SLCO6A1: variants seen among roughly 807,000 people sequenced by gnomAD.
SLCO6A1 encodes cancer/testis antigen 48.
Under a neutral mutation model 72.7 loss-of-function variants are expected in SLCO6A1, and 65 were observed. The ratio of observed to expected loss-of-function variants is 0.89; its 90% CI spans 0.73 to 1.10. SLCO6A1 has a LOEUF of 1.10. SLCO6A1 is among the 50% of genes least tolerant of loss of function. SLCO6A1 has a pLI of 0.00. For synonymous variants in SLCO6A1, 314 were observed against 298.2 expected (o/e 1.05, Z -0.55); for missense variants, 874 against 872.6 (o/e 1.00, Z -0.02).
intron 1 of SLCO6A1, among the ~76,000 whole-genome samples, chr5:102,483,569 C>T (rs1450598494): frequency 6.6e-6 from 1 of 152,128 alleles, no homozygotes; most frequent in East Asian, 1.9e-4. Context: ...AGAATATTTT[C>T]TCATAGGATA....
intron 6 of SLCO6A1, among the ~76,000 whole-genome samples, chr5:102,446,648 G>A (rs1025116647): frequency 2.0e-5 from 3 of 152,026 alleles, no homozygotes; most frequent in African/African-American, 7.3e-5. Flanking sequence ...TTTTCAAAGG[G>A]GAATATTTCC....
At chr5:102,483,599 T>C (rs1752314238) in intron 1 of SLCO6A1, among the ~76,000 whole-genome samples, 1 of 152,196 alleles carries the variant, frequency 6.6e-6, no homozygotes, top group Admixed American at 6.5e-5. Flanking sequence ...TTAATCATTC[T>C]GGGAAGGCTG....
chr5:102,426,500 C>A (rs1720781866), intron 7 of SLCO6A1, among the ~76,000 whole-genome samples: 1 of 152,000 alleles, frequency 6.6e-6, no homozygotes, highest in South Asian at 2.1e-4. Context: ...TTTATGTGGT[C>A]AACAAAGACA....
intron 12 of SLCO6A1, among the ~76,000 whole-genome samples, chr5:102,386,666 G>C (rs1423130458): frequency 6.6e-6 from 1 of 152,118 alleles, no homozygotes; most frequent in African/African-American, 2.4e-5. Context: ...AAGGTTTTTG[G>C]GTTCCAGTCT....
At chr5:102,374,038 C>CTTT (rs11352231) in intron 12 of SLCO6A1, among the ~76,000 whole-genome samples, 3 of 144,674 alleles carry the variant, frequency 2.1e-5, no homozygotes, top group East Asian at 2.0e-4. Context: ...TAAATTAATT[C>CTTT]TTTTTTTTTT....
At chr5:102,432,087 G>T (rs113403517) in intron 7 of SLCO6A1, among the ~76,000 whole-genome samples, 9 of 151,956 alleles carry the variant, frequency 5.9e-5, no homozygotes, top group African/African-American at 1.9e-4. Context: ...GTTTCCATTC[G>T]CTTGGTAGAT....
chr5:102,449,940 T>A (rs1034068944), intron 6 of SLCO6A1, among the ~76,000 whole-genome samples: 1 of 152,240 alleles, frequency 6.6e-6, no homozygotes, highest in African/African-American at 2.4e-5. Flanking sequence ...ATACTCCCAA[T>A]TATGTCATGA....
At position 102,458,416 on chromosome 5, in the gene SLCO6A1, C is replaced by T; in HGVS notation, c.1097G>A (p.Gly366Glu). The change falls in exon 6 of 14, where the codon GGA (glycine) becomes GAA (glutamate). Residue 366 changes from glycine (G) to glutamate (E), a missense_variant. By Grantham distance (98) the Gly-to-Glu change is moderately conservative (BLOSUM62 -2). Coordinates refer to ENST00000506729, the MANE Select transcript of SLCO6A1 (RefSeq NM_173488.5). ...FDSRLKDLKLGTNIKDLCAAL... is the reference protein window; with the variant it reads ...FDSRLKDLKLETNIKDLCAAL... ...AGCACATAAATCCTTGATATTAGTT[C>T]CAAGTTTCAGATCTTTAAGTCTGCT... The T allele has an allele frequency of 6.2e-7, 1 of 1,612,630 alleles. No homozygotes were observed. The highest frequency in any genetic ancestry group is 8.5e-7 in the Non-Finnish European group (1 of 1,179,272).
At chr5:102,433,743 C>T (rs1749347957) in intron 7 of SLCO6A1, among the ~76,000 whole-genome samples, 1 of 152,112 alleles carries the variant, frequency 6.6e-6, no homozygotes, top group South Asian at 2.1e-4. Flanking sequence ...TTGCACATAC[C>T]AGCAACAGCA....
chr5:102,485,495 G>T (rs988703747), intron 1 of SLCO6A1, among the ~76,000 whole-genome samples: 1 of 152,074 alleles, frequency 6.6e-6, no homozygotes, highest in Non-Finnish European at 1.5e-5. Context: ...GGGTGTGGGT[G>T]TGGAGTCTGA....
intron 8 of SLCO6A1, among the ~76,000 whole-genome samples, chr5:102,415,622 A>G (rs764820545): frequency 1.1e-4 from 17 of 152,176 alleles, no homozygotes; most frequent in Non-Finnish European, 2.1e-4. Context: ...AAAACATAGG[A>G]AAAATTCTTT....
intron 6 of SLCO6A1, among the ~76,000 whole-genome samples, chr5:102,453,907 T>A (rs1435385232): frequency 6.6e-6 from 1 of 152,164 alleles, no homozygotes; most frequent in Non-Finnish European, 1.5e-5. Context: ...TACTTTGACT[T>A]TCACTTTCTG....
At position 102,379,653 on chromosome 5, in the gene SLCO6A1, G is replaced by T. The variant is rs150976614; in HGVS notation, c.2018-6159C>A. Among the ~76,000 whole-genome samples, 3 of 151,208 alleles carry T rather than the reference G, an allele frequency of 2.0e-5. No individual in the cohort carries two copies. The East Asian group carries it at 5.8e-4, about 29-fold the overall frequency. On this transcript the variant is annotated intron_variant, in intron 12 of 13. Transcript: ENST00000506729. The stretch of plus-strand genomic sequence containing the variant: ...ATACCACATTGTATTAATTATTATA[G>T]CTCTATAATAGGTTTTTATATGTTA...
At chr5:102,465,906 C>T (rs114467905) in intron 4 of SLCO6A1, among the ~76,000 whole-genome samples, 3,986 of 152,122 alleles carry the variant, frequency 0.026, 127 homozygotes, top group African/African-American at 0.079. Context: ...TCAAGTAAAT[C>T]CCCTGGATTT....
intron 7 of SLCO6A1, among the ~76,000 whole-genome samples, chr5:102,421,070 G>C (rs1357210936): frequency 6.6e-6 from 1 of 152,122 alleles, no homozygotes; most frequent in Non-Finnish European, 1.5e-5. Flanking sequence ...TGCCATGAGG[G>C]ACGGTGCTAT....
chr5:102,423,860 C>A (rs1748743327), intron 7 of SLCO6A1, among the ~76,000 whole-genome samples: 1 of 152,048 alleles, frequency 6.6e-6, no homozygotes, highest in African/African-American at 2.4e-5. Flanking sequence ...TAAAATTGAC[C>A]ACATAACTAG....
At chr5:102,477,591 T>C (rs1751968686) in intron 3 of SLCO6A1, 85 bp downstream of exon 3, 1 of 1,087,676 alleles carries the variant, frequency 9.2e-7, no homozygotes, top group Non-Finnish European at 1.3e-6. Flanking sequence ...GGGCCAATAG[T>C]ACTTCTATAT....
rs569744476 is a variant in SLCO6A1, at chr5:102,489,327, A to T, written c.359-8893T>A. On this transcript the variant is annotated intron_variant, in intron 1 of 13. Transcript: ENST00000506729. The stretch of plus-strand genomic sequence containing the variant: ...CCCTCAGTGGAAAACTCTAAAACAG[A>T]ATCATATGGAAAAGGGGGATTTCCA... Among the ~76,000 whole-genome samples the T allele has an allele frequency of 2.6e-5, 4 of 152,296 alleles. No individual in the cohort carries two copies. The South Asian group carries it at 8.3e-4, about 32-fold the overall frequency.
intron 6 of SLCO6A1, among the ~76,000 whole-genome samples, chr5:102,453,507 C>A (rs1750543865): frequency 1.3e-5 from 2 of 152,098 alleles, no homozygotes; most frequent in South Asian, 2.1e-4. Flanking sequence ...ACATTTTCTT[C>A]TTTCTTTGCA....
Sources: gnomAD v4.1 joint callset for allele counts (sites outside exome capture counted in the v4.1 genomes callset) on GRCh38, gnomAD v4.1.1 for gene constraint, MANE v1.5 for transcripts, NCBI Gene and HGNC (gene_info 2026-07-23, HGNC 2026-07-21) for gene names.